Variants in CYTH1 observed in about 807,000 individuals in gnomAD.
CYTH1 encodes the protein cytohesin 1.
Under a neutral mutation model 61.8 loss-of-function variants are expected in CYTH1, and 18 were observed. That is an observed-to-expected ratio of 0.29 (90% CI 0.20 to 0.43). CYTH1 has a LOEUF of 0.43. Among genes scored for constraint, CYTH1 ranks in the 20% least tolerant of loss-of-function variants. CYTH1 has a pLI of 1.00. For synonymous variants in CYTH1, 174 were observed against 184.3 expected, an observed-to-expected ratio of 0.94 and a Z score of 0.45; for missense variants, 336 against 510.5, an observed-to-expected ratio of 0.66 and a Z score of 3.29.
intron 1 of CYTH1, among the ~76,000 whole-genome samples, chr17:78,777,296 G>C (rs1218714800): frequency 6.6e-6 from 1 of 151,892 alleles, no homozygotes; most frequent in Non-Finnish European, 1.5e-5. Context: ...GCGGGTGCCT[G>C]TAGTCCCAGC....
chr17:78,682,874 A>G (rs1220396132), intron 11 of CYTH1, among the ~76,000 whole-genome samples: 1 of 152,222 alleles, frequency 6.6e-6, no homozygotes, highest in Admixed American at 6.5e-5. Context: ...GTATTCAGTA[A>G]GCCTTCCAAC....
chr17:78,751,131 A>AT (rs1251324323), intron 1 of CYTH1, among the ~76,000 whole-genome samples: 8 of 151,988 alleles, frequency 5.3e-5, no homozygotes, highest in African/African-American at 1.7e-4. Context: ...CCATGGGCGC[A>AT]TGGCGGGGGG....
intron 1 of CYTH1, among the ~76,000 whole-genome samples, chr17:78,748,994 A>G (rs2093369422): frequency 1.3e-5 from 2 of 152,176 alleles, no homozygotes; most frequent in African/African-American, 4.8e-5. Flanking sequence ...ATGACAGAGG[A>G]GCTTGCGAGA....
At position 78,750,312 on chromosome 17, in the gene CYTH1, T is replaced by C. The variant is rs145610640; in HGVS notation, c.22+31890A>G. 6.9e-3 allele frequency among the ~76,000 whole-genome samples: 1,050 copies of C among 152,232 alleles called. 3 individuals carry two copies. Among genetic ancestry groups the C allele is most frequent in the Middle Eastern group, 0.01 (3 of 292 alleles). The stretch of plus-strand genomic sequence containing the variant: ...TGATGGGAACACCTATGTGAGCGGA[T>C]ATGCTATTTCTCAGGTGGGGTGAAT... On this transcript the variant is annotated intron_variant, in intron 1 of 13. Transcript: ENST00000446868.
chr17:78,733,044 G>A (rs868303739), intron 1 of CYTH1, among the ~76,000 whole-genome samples: 3 of 114,704 alleles, frequency 2.6e-5, no homozygotes, highest in Non-Finnish European at 4.9e-5. Flanking sequence ...CCAAGATCAC[G>A]CCCAGCCTGG....
intron 1 of CYTH1, among the ~76,000 whole-genome samples, chr17:78,774,610 T>G (rs1218251431): frequency 2.6e-5 from 4 of 152,128 alleles, no homozygotes; most frequent in Non-Finnish European, 1.5e-5. Context: ...TCTGGAGACA[T>G]GGTGATGAAA....
chr17:78,749,352 C>T (rs930887801), intron 1 of CYTH1, among the ~76,000 whole-genome samples: 1 of 152,074 alleles, frequency 6.6e-6, no homozygotes, highest in South Asian at 2.1e-4. Flanking sequence ...CCCAGCTACT[C>T]GGGAGGCTGA....
Position 78,765,456 on chromosome 17 carries a change from T to C in CYTH1, c.22+16746A>G, listed in dbSNP as rs74001232. ...GGACACAGAGAAATCGCAGAAGTCT[T>C]TGTCAAAGTTAGAGAACAAGTTGAA... On this transcript the variant is annotated intron_variant, in intron 1 of 13. Coordinates refer to ENST00000446868, the MANE Select transcript of CYTH1 (RefSeq NM_004762.6). Among the ~76,000 whole-genome samples the C allele has an allele frequency of 0.011, 1,608 of 152,304 alleles. 47 individuals are homozygous for C. In the East Asian group the frequency reaches 0.12, roughly 11 times the overall value.
intron 1 of CYTH1, among the ~76,000 whole-genome samples, chr17:78,725,986 C>T (rs779481802): frequency 2.0e-5 from 3 of 151,576 alleles, no homozygotes; most frequent in African/African-American, 4.9e-5. Context: ...ATCTCAGGAC[C>T]AACAGAAAAC....
At chr17:78,732,974 C>T (rs1244123997) in intron 1 of CYTH1, among the ~76,000 whole-genome samples, 1 of 151,328 alleles carries the variant, frequency 6.6e-6, no homozygotes, top group African/African-American at 2.4e-5. Flanking sequence ...GTAGTCCCAG[C>T]TACTCGGGAG....
At chr17:78,782,058 C>T in intron 1 of CYTH1, 144 bp downstream of exon 1, 2 of 724,244 alleles carry the variant, frequency 2.8e-6, no homozygotes, top group Non-Finnish European at 3.6e-6. Context: ...CCGCGCACCG[C>T]TCGCCCGCCG....
intron 7 of CYTH1, among the ~76,000 whole-genome samples, chr17:78,699,934 C>T (rs2144284390): frequency 6.6e-6 from 1 of 152,272 alleles, no homozygotes; most frequent in Middle Eastern, 3.4e-3. Flanking sequence ...GGACTACAGG[C>T]ATAAGCCACC....
intron 1 of CYTH1, among the ~76,000 whole-genome samples, chr17:78,741,371 C>T (rs759820539): frequency 3.3e-5 from 5 of 150,802 alleles, no homozygotes; most frequent in African/African-American, 9.8e-5. Flanking sequence ...CCTATTTCTA[C>T]AAAAAAATTA....
chr17:78,683,189 G>C (rs1159049400), intron 11 of CYTH1, among the ~76,000 whole-genome samples: 1 of 151,724 alleles, frequency 6.6e-6, no homozygotes, highest in East Asian at 1.9e-4. Flanking sequence ...TTCTTGTTTC[G>C]CAGCTGTGAT....
chr17:78,688,770 C>G (rs1428621751), intron 11 of CYTH1, among the ~76,000 whole-genome samples: 1 of 152,188 alleles, frequency 6.6e-6, no homozygotes, highest in East Asian at 1.9e-4. Flanking sequence ...TGCGGTGAGG[C>G]AGTTTTGAAG....
intron 3 of CYTH1, among the ~76,000 whole-genome samples, chr17:78,704,291 G>A (rs904218744): frequency 1.3e-5 from 2 of 152,212 alleles, no homozygotes; most frequent in African/African-American, 4.8e-5. Flanking sequence ...ACAAGGGGCA[G>A]AACCTAGGAA....
At chr17:78,750,517 T>C (rs1015489312) in intron 1 of CYTH1, among the ~76,000 whole-genome samples, 34 of 152,176 alleles carry the variant, frequency 2.2e-4, no homozygotes, top group African/African-American at 7.5e-4. Context: ...GTTTAAAAAG[T>C]TGTTGCTGTT....
At chr17:78,759,700 T>C (rs1464798951) in intron 1 of CYTH1, among the ~76,000 whole-genome samples, 1 of 152,164 alleles carries the variant, frequency 6.6e-6, no homozygotes, top group East Asian at 1.9e-4. Context: ...CCACATAAAT[T>C]AGATAGTTAC....
At chr17:78,769,834 T>C (rs1037841489) in intron 1 of CYTH1, among the ~76,000 whole-genome samples, 15 of 151,702 alleles carry the variant, frequency 9.9e-5, no homozygotes, top group Non-Finnish European at 7.4e-5. Flanking sequence ...CTGGCCAACA[T>C]AGTGAAACTC....
Sources: allele counts gnomAD v4.1 joint callset (sites outside exome capture counted in the v4.1 genomes callset), GRCh38; gene constraint gnomAD v4.1.1; transcripts MANE v1.5; gene names NCBI Gene and HGNC (gene_info 2026-07-23, HGNC 2026-07-21).